The following ARHGEF10L variants were observed in gnomAD, a reference collection of about 807,000 sequenced individuals.
ARHGEF10L encodes the protein Rho guanine nucleotide exchange factor 10 like.
ARHGEF10L carries 69 observed loss-of-function variants against 141.2 expected under a neutral mutation model. That is an observed-to-expected ratio of 0.49 (90% confidence interval 0.40 to 0.60). ARHGEF10L has a LOEUF of 0.60. ARHGEF10L is among the 20% of genes least tolerant of loss of function. The probability of loss-of-function intolerance (pLI) is 0.00; values close to 1 mark genes in which losing one functional copy is unlikely to be tolerated. For synonymous variants in ARHGEF10L, 711 were observed against 718.5 expected (o/e 0.99, Z 0.17); for missense variants, 1,482 against 1,734.3 (o/e 0.85, Z 2.58).
In ARHGEF10L at chr1:17,619,827, G is replaced by C. The variant is rs116748210; in HGVS notation, c.942+382G>C. ...TGTAGGTGCCCAGTCCCTGCCATCTGTCCACCTGTCCTCACCCTGGGCCTC... is the reference window on the plus strand; with the variant it reads ...TGTAGGTGCCCAGTCCCTGCCATCTCTCCACCTGTCCTCACCCTGGGCCTC... On this transcript the variant is annotated intron_variant, in intron 10 of 28. Coordinates refer to ENST00000361221, the MANE Select transcript of ARHGEF10L (RefSeq NM_018125.4). This position sits in a 1 kb window ranked among gnomAD's most constrained non-coding sequence, Gnocchi z 5.0. Among the ~76,000 whole-genome samples, 529 of 152,240 alleles carry C rather than the reference G, an allele frequency of 3.5e-3. 4 individuals carry two copies. Among genetic ancestry groups the C allele is most frequent in the South Asian group, 0.01 (50 of 4,812 alleles).
At chr1:17,559,864 G>C (rs1183844619) in intron 1 of ARHGEF10L, among the ~76,000 whole-genome samples, 1 of 152,086 alleles carries the variant, frequency 6.6e-6, no homozygotes, top group Non-Finnish European at 1.5e-5. Flanking sequence ...TGGGTGCCTG[G>C]GAGAGACTGA....
chr1:17,653,016 A>G (rs192385224), intron 22 of ARHGEF10L, among the ~76,000 whole-genome samples: 32 of 152,272 alleles, frequency 2.1e-4, no homozygotes, highest in African/African-American at 7.7e-4. Context: ...TGATGATGAA[A>G]TGAGCTAAGG....
chr1:17,639,981 G>A lies in ARHGEF10L; in HGVS notation c.2172-221G>A, dbSNP rs1346633710. 4.7e-6 allele frequency: 7 copies of A among 1,494,408 alleles called. No homozygotes were observed. The East Asian group carries it at 1.8e-4, about 38-fold the overall frequency. 92.6% of individuals were successfully genotyped at this position (1,494,408 alleles called of 1,614,324 possible). On this transcript the variant is annotated intron_variant, in intron 20 of 28. Coordinates refer to ENST00000361221, the MANE Select transcript of ARHGEF10L (RefSeq NM_018125.4). This position sits in a 1 kb window ranked among gnomAD's most constrained non-coding sequence, Gnocchi z 4.3. ...GAGCGTGGCTCAGCCACCCTGGCCA[G>A]GTACCTCCCTCTGGGGGTCATTGTG...
intron 4 of ARHGEF10L, among the ~76,000 whole-genome samples, chr1:17,593,798 A>G (rs991284434): frequency 6.6e-6 from 1 of 152,014 alleles, no homozygotes; most frequent in African/African-American, 2.4e-5. Flanking sequence ...GCCATAGGAA[A>G]CTAACACGAC....
At chr1:17,636,296 T>C (rs572839910) in intron 18 of ARHGEF10L, among the ~76,000 whole-genome samples, 2 of 152,318 alleles carry the variant, frequency 1.3e-5, no homozygotes, top group South Asian at 4.1e-4. Flanking sequence ...GAAGTTCTTG[T>C]GGAACCCTTC....
chr1:17,673,213 G>A lies in ARHGEF10L; in HGVS notation c.3009+8618G>A, dbSNP rs567265628. On this transcript the variant is annotated intron_variant, in intron 26 of 28. Coordinates refer to ENST00000361221, the MANE Select transcript of ARHGEF10L (RefSeq NM_018125.4). The surrounding 1 kb of genome is among the most constrained non-coding windows in gnomAD (Gnocchi z 4.1). ...GGAGGTGAGGAAGGGGAGCTGGCAC[G>A]GCAGGGGCAGTCCTGTCCTTGTGAG... Among the ~76,000 whole-genome samples, 6 of 152,086 alleles carry A rather than the reference G, an allele frequency of 3.9e-5. No homozygotes were observed. The highest frequency in any genetic ancestry group is 2.1e-4 in the South Asian group (1 of 4,832).
At chr1:17,611,311 G>A (rs969657214) in intron 7 of ARHGEF10L, among the ~76,000 whole-genome samples, 1 of 152,222 alleles carries the variant, frequency 6.6e-6, no homozygotes, top group African/African-American at 2.4e-5. Context: ...AGCTCTCAGA[G>A]GGACCCCTGT....
chr1:17,639,077 C>T lies in ARHGEF10L; in HGVS notation c.2171+388C>T, dbSNP rs1038131077. Reference sequence around the variant, plus strand: ...CAGCCTCCCCCCAGCACCACCTTAGCCCCAGAATGCCCACCACAGGAGCTG... The same window carrying T: ...CAGCCTCCCCCCAGCACCACCTTAGTCCCAGAATGCCCACCACAGGAGCTG... On this transcript the variant is annotated intron_variant, in intron 20 of 28. Coordinates refer to ENST00000361221, the MANE Select transcript of ARHGEF10L (RefSeq NM_018125.4). This position sits in a 1 kb window ranked among gnomAD's most constrained non-coding sequence, Gnocchi z 4.3. Among the ~76,000 whole-genome samples the T allele has an allele frequency of 6.6e-6, 1 of 152,140 alleles. No homozygotes were observed. Among genetic ancestry groups the T allele is most frequent in the African/African-American group, 2.4e-5 (1 of 41,434 alleles).
chr1:17,612,015 T>C (rs977755513), intron 7 of ARHGEF10L, among the ~76,000 whole-genome samples: 3 of 150,162 alleles, frequency 2.0e-5, no homozygotes, highest in African/African-American at 7.5e-5. Flanking sequence ...ATCCTCCAGA[T>C]AGTCTGTAAG....
chr1:17,655,448 C>G (rs1344222681), intron 23 of ARHGEF10L, among the ~76,000 whole-genome samples: 1 of 146,902 alleles, frequency 6.8e-6, no homozygotes, highest in Non-Finnish European at 1.5e-5. Flanking sequence ...TCCATCCATC[C>G]ATCCATCCAT....
chr1:17,546,136 T>A (rs2076905763), intron 1 of ARHGEF10L, among the ~76,000 whole-genome samples: 1 of 152,184 alleles, frequency 6.6e-6, no homozygotes, highest in African/African-American at 2.4e-5. Flanking sequence ...GCTGTGTGGA[T>A]CACCCTGCTT....
intron 2 of ARHGEF10L, among the ~76,000 whole-genome samples, chr1:17,586,849 G>A (rs1291725995): frequency 6.6e-6 from 1 of 152,044 alleles, no homozygotes; most frequent in African/African-American, 2.4e-5. Context: ...TCACGAAAGG[G>A]GTTCCCCAGG....
chr1:17,580,653 T>C, intron 2 of ARHGEF10L, 21 bp downstream of exon 2: 1 of 1,614,190 alleles, frequency 6.2e-7, no homozygotes, highest in Non-Finnish European at 8.5e-7. Flanking sequence ...CAGGGCTTCC[T>C]GTCCCTCTCA....
At chr1:17,586,366 T>C (rs113874568) in intron 2 of ARHGEF10L, among the ~76,000 whole-genome samples, 2,342 of 152,328 alleles carry the variant, frequency 0.015, 63 homozygotes, top group African/African-American at 0.053. Flanking sequence ...CTGTGTGTCA[T>C]GTGCCCACGA....
At chr1:17,568,325 A>G (rs895096527) in intron 1 of ARHGEF10L, among the ~76,000 whole-genome samples, 1 of 152,246 alleles carries the variant, frequency 6.6e-6, no homozygotes, top group Non-Finnish European at 1.5e-5. Context: ...AGCCCTGTGC[A>G]TGGTGATTCT....
chr1:17,648,294 G>A (rs77248360), intron 21 of ARHGEF10L, among the ~76,000 whole-genome samples: 3,523 of 152,316 alleles, frequency 0.023, 148 homozygotes, highest in African/African-American at 0.081. Flanking sequence ...AGAGAGTTGG[G>A]GTGACTGGCA....
chr1:17,606,600 CTTT>C (rs35330278), intron 6 of ARHGEF10L, among the ~76,000 whole-genome samples: 3 of 144,108 alleles, frequency 2.1e-5, no homozygotes, highest in African/African-American at 7.6e-5. Flanking sequence ...AGTCAGATTC[CTTT>C]TTTTTTTTTT....
At position 17,607,982 on chromosome 1, in the gene ARHGEF10L, G is replaced by A; in HGVS notation, c.609+5G>A. 7.0e-7 allele frequency: 1 copy of A among 1,432,920 alleles called. No homozygotes were observed. The highest frequency in any genetic ancestry group is 9.2e-7 in the Non-Finnish European group (1 of 1,090,434). The allele number at this position is 1,432,920 out of a possible 1,614,324, so 88.8% of individuals were successfully genotyped here. On this transcript the variant is annotated splice_donor_5th_base_variant and intron_variant, in intron 7 of 28. Coordinates refer to ENST00000361221, the MANE Select transcript of ARHGEF10L (RefSeq NM_018125.4). The surrounding 1 kb of genome is among the most constrained non-coding windows in gnomAD (Gnocchi z 4.5). ...CGAGTGTCCTTCCAGCCCAAGGTGA[G>A]GGGACCGGGGGTGTCGCTCACCTCA... is the stretch of plus-strand genomic sequence containing the variant.
chr1:17,516,550 C>T, the ARHGEF10L span, among the ~76,000 whole-genome samples: 145 of 152,282 alleles, frequency 9.5e-4, 1 homozygote, highest in Non-Finnish European at 1.5e-3. Flanking sequence ...CTGCTGCTGC[C>T]GTGGGAGTGG....
Sources: allele counts gnomAD v4.1 joint callset (sites outside exome capture counted in the v4.1 genomes callset), GRCh38; gene constraint gnomAD v4.1.1; non-coding constraint Gnocchi (gnomAD v3.1); transcripts MANE v1.5; gene names NCBI Gene and HGNC (gene_info 2026-07-23, HGNC 2026-07-21).